Variants in RNF170 observed in about 807,000 individuals in gnomAD.
RNF170 encodes E3 ubiquitin-protein ligase RNF170.
RNF170 carries 12 observed loss-of-function variants against 32.7 expected under a neutral mutation model. The ratio of observed to expected loss-of-function variants is 0.37; its 90% CI spans 0.24 to 0.60. RNF170 has a LOEUF of 0.60. RNF170 is among the 20% of genes least tolerant of loss of function. The pLI, the probability that RNF170 is intolerant of heterozygous loss-of-function variation, is 0.72. For missense variants in RNF170, 212 were observed against 311.2 expected (o/e 0.68, Z 2.40); for synonymous variants, 91 against 103.6 (o/e 0.88, Z 0.74).
intron 1 of RNF170, among the ~76,000 whole-genome samples, chr8:42,895,567 A>C (rs1398291925): frequency 6.6e-6 from 1 of 152,208 alleles, no homozygotes; most frequent in African/African-American, 2.4e-5. Context: ...ACATATTTGC[A>C]CTACGTTCCA....
chr8:42,861,924 T>G, intron 5 of RNF170, 69 bp from the exon 6 acceptor site: 16 of 1,444,888 alleles, frequency 1.1e-5, no homozygotes, highest in Non-Finnish European at 1.5e-5. Flanking sequence ...TTTGTGTTAT[T>G]ATTCAATAGA....
At chr8:42,856,789 C>G (rs1803274616) in intron 6 of RNF170, among the ~76,000 whole-genome samples, 1 of 152,116 alleles carries the variant, frequency 6.6e-6, no homozygotes, top group African/African-American at 2.4e-5. Context: ...TAAAGTCAGA[C>G]AGATCTGGGT....
chr8:42,855,082 C>A lies in RNF170; in HGVS notation c.*1077G>T, dbSNP rs751901818. 3.1e-6 allele frequency: 4 copies of A among 1,287,122 alleles called. No homozygotes were observed. The South Asian group carries it at 4.9e-5, about 16-fold the overall frequency. The allele number at this position is 1,287,122 out of a possible 1,614,324, so 79.7% of individuals were successfully genotyped here. The stretch of plus-strand genomic sequence containing the variant: ...TCACCTTCCTCAGAAATGCATCAGG[C>A]TACTCTGTGTTTGCAGCATCGCCCA... On this transcript the variant is annotated 3_prime_UTR_variant, in exon 7 of 7. Transcript: ENST00000527424.
At chr8:42,865,350 A>G in intron 5 of RNF170, 66 bp downstream of exon 5, 1 of 1,275,980 alleles carries the variant, frequency 7.8e-7, no homozygotes, top group South Asian at 1.2e-5. Flanking sequence ...AAATGTAGAT[A>G]CAAAAACTAT....
intron 2 of RNF170, among the ~76,000 whole-genome samples, chr8:42,887,514 GGAT>G (rs1273297711): frequency 2.0e-5 from 3 of 152,056 alleles, no homozygotes; most frequent in Non-Finnish European, 4.4e-5. Context: ...TTCAAAATGT[GGAT>G]GATAAATTTA....
At chr8:42,897,044 A>G (rs1806994883), upstream of RNF170, 2 of 1,030,646 alleles carry the variant, frequency 1.9e-6, no homozygotes, top group East Asian at 6.6e-5. Flanking sequence ...CCTGAGGCCG[A>G]GTCAGCTGCG....
intron 2 of RNF170, among the ~76,000 whole-genome samples, chr8:42,886,392 A>G (rs1391602644): frequency 6.6e-6 from 1 of 152,138 alleles, no homozygotes; most frequent in Non-Finnish European, 1.5e-5. Context: ...TATTTCCCCC[A>G]TGATATCCAC....
chr8:42,861,623 G>T (rs753578970), intron 6 of RNF170, 122 bp downstream of exon 6: 9 of 802,352 alleles, frequency 1.1e-5, no homozygotes, highest in Non-Finnish European at 1.9e-5. Flanking sequence ...GATTATAGGC[G>T]TTAGCTACTG....
upstream of RNF170, chr8:42,897,297 T>C: frequency 1.5e-5 from 7 of 479,778 alleles, no homozygotes; most frequent in East Asian, 5.3e-5. Context: ...TGCCGTCACA[T>C]CCGGGGCCTG....
downstream of RNF170, chr8:42,851,013 A>G: frequency 6.5e-7 from 1 of 1,550,242 alleles, no homozygotes; most frequent in Non-Finnish European, 8.7e-7. Flanking sequence ...CACGGTAGTC[A>G]GAATGACCTT....
chr8:42,853,159 C>A (rs1802989335), downstream of RNF170: 3 of 278,020 alleles, frequency 1.1e-5, no homozygotes, highest in Non-Finnish European at 1.3e-5. Flanking sequence ...AAATAAAAAA[C>A]CTAACAAAAT....
chr8:42,872,166 G>T (rs531054514), intron 3 of RNF170, among the ~76,000 whole-genome samples: 1 of 152,312 alleles, frequency 6.6e-6, no homozygotes, highest in East Asian at 1.9e-4. Context: ...AGGAAGAGGT[G>T]AGGCAGTTGA....
At chr8:42,879,582 C>T (rs751517750) in intron 2 of RNF170, among the ~76,000 whole-genome samples, 26 of 152,094 alleles carry the variant, frequency 1.7e-4, no homozygotes, top group South Asian at 6.2e-4. Context: ...ACCCGGGGGG[C>T]GGTGGTTGCA....
At chr8:42,859,804 G>A (rs1255133951) in intron 6 of RNF170, among the ~76,000 whole-genome samples, 3 of 151,988 alleles carry the variant, frequency 2.0e-5, no homozygotes, top group Non-Finnish European at 4.4e-5. Flanking sequence ...GCACACCACC[G>A]TGCCTGACTA....
At chr8:42,876,093 G>GA (rs1410213397) in intron 2 of RNF170, among the ~76,000 whole-genome samples, 6 of 151,170 alleles carry the variant, frequency 4.0e-5, no homozygotes, top group African/African-American at 1.2e-4. Flanking sequence ...CTTTTCATTG[G>GA]AAAAAAAATC....
intron 2 of RNF170, among the ~76,000 whole-genome samples, chr8:42,883,010 A>C (rs141074557): frequency 1.2e-3 from 176 of 152,024 alleles, no homozygotes; most frequent in African/African-American, 4.1e-3. Flanking sequence ...TTGCAGTGAG[A>C]CAAGATGGTG....
At position 42,888,018 on chromosome 8, in the gene RNF170, G is replaced by A; in HGVS notation, c.-7-147C>T. 6 of 716,050 alleles carry A rather than the reference G, an allele frequency of 8.4e-6. No homozygotes were observed. The South Asian group carries it at 9.8e-5, about 12-fold the overall frequency. 44.4% of individuals were successfully genotyped at this position (716,050 alleles called of 1,614,324 possible). A position where few individuals can be genotyped will look rare whatever the true frequency, so the allele number is the denominator to read the frequency against. The stretch of plus-strand genomic sequence containing the variant: ...AGTACAACTCCAGTGGGGACTGATG[G>A]AGTTCTTTAAAATTTGCCAGACACA... On this transcript the variant is annotated intron_variant, in intron 1 of 6. Coordinates refer to ENST00000527424, the MANE Select transcript of RNF170 (RefSeq NM_030954.4).
At chr8:42,859,990 C>T (rs921898914) in intron 6 of RNF170, among the ~76,000 whole-genome samples, 4 of 151,862 alleles carry the variant, frequency 2.6e-5, no homozygotes, top group African/African-American at 9.7e-5. Context: ...TAGGACACCC[C>T]AAAAATAGAA....
At position 42,853,311 on chromosome 8, in the gene RNF170, A is replaced by T; in HGVS notation, c.*2848T>A. ...ATAACACCTTTAAAATGTTTTAGAT[A>T]TGTTGCTTTTATTCAAAAGAATAAA... On this transcript the variant is annotated 3_prime_UTR_variant, in exon 7 of 7. Coordinates refer to ENST00000527424, the MANE Select transcript of RNF170 (RefSeq NM_030954.4). The T allele has an allele frequency of 8.4e-7, 1 of 1,195,174 alleles. No homozygotes were observed. The highest frequency in any genetic ancestry group is 1.1e-6 in the Non-Finnish European group (1 of 940,204). 74.0% of individuals were successfully genotyped at this position (1,195,174 alleles called of 1,614,324 possible).
Sources: gnomAD v4.1 joint callset for allele counts (sites outside exome capture counted in the v4.1 genomes callset) on GRCh38, gnomAD v4.1.1 for gene constraint, MANE v1.5 for transcripts, NCBI Gene and HGNC (gene_info 2026-07-23, HGNC 2026-07-21) for gene names.